SCN2A: variants seen among roughly 807,000 people sequenced by gnomAD.
The protein encoded by SCN2A is sodium channel protein type 2 subunit alpha.
SCN2A carries 20 observed loss-of-function variants against 188.7 expected under a neutral mutation model. That is an observed-to-expected ratio of 0.11 (90% CI 0.07 to 0.15). The LOEUF (loss-of-function observed/expected upper bound fraction) is 0.15. SCN2A is among the 10% of genes least tolerant of loss of function. The pLI, the probability that SCN2A is intolerant of heterozygous loss-of-function variation, is 1.00. For synonymous variants in SCN2A, 804 were observed against 833.1 expected, an observed-to-expected ratio of 0.97 and a Z score of 0.60; for missense variants, 1,278 against 2,445.0, an observed-to-expected ratio of 0.52 and a Z score of 10.07.
intron 1 of SCN2A, among the ~76,000 whole-genome samples, chr2:165,251,862 C>G (rs562642150): frequency 6.6e-6 from 1 of 151,984 alleles, no homozygotes; most frequent in African/African-American, 2.4e-5. Context: ...AATACAGGCA[C>G]TGTTGGAATA....
intron 7 of SCN2A, 96 bp downstream of exon 7, chr2:165,310,691 T>C (rs1697378060): frequency 1.2e-6 from 1 of 842,314 alleles, no homozygotes; most frequent in Non-Finnish European, 1.7e-6. Context: ...GTGAATCAAG[T>C]GACTTAGACT....
At position 165,258,790 on chromosome 2, in the gene SCN2A, G is replaced by A. The variant is rs561656558; in HGVS notation, c.-52+19150G>A. 2.0e-5 allele frequency among the ~76,000 whole-genome samples: 3 copies of A among 152,334 alleles called. No individual in the cohort carries two copies. The Middle Eastern group carries it at 0.01, about 518-fold the overall frequency. On this transcript the variant is annotated intron_variant, in intron 1 of 26. Transcript: ENST00000375437. ...AAGATTATGTCCTCTGCAGGGACAT[G>A]GATGGAGCTGGGGGCTATTATAGTA...
chr2:165,263,749 G>A (rs7594199), intron 1 of SCN2A, among the ~76,000 whole-genome samples: 55,924 of 151,804 alleles, frequency 0.37, 10,633 homozygotes, highest in African/African-American at 0.47. Flanking sequence ...GTTCTATGAA[G>A]AATAATGGTG....
intron 1 of SCN2A, among the ~76,000 whole-genome samples, chr2:165,260,970 CAAAA>C (rs760304392): frequency 2.2e-5 from 2 of 90,390 alleles, no homozygotes; most frequent in African/African-American, 8.9e-5. Context: ...AACTCCGTCT[CAAAA>C]AAAAAAAAAA....
intron 13 of SCN2A, among the ~76,000 whole-genome samples, chr2:165,329,348 C>G (rs1257267612): frequency 6.6e-6 from 1 of 152,088 alleles, no homozygotes; most frequent in Non-Finnish European, 1.5e-5. Flanking sequence ...CCTGAAGAAT[C>G]AAGGTGAGCC....
At chr2:165,382,989 G>T (rs1701683180) in intron 25 of SCN2A, among the ~76,000 whole-genome samples, 1 of 152,154 alleles carries the variant, frequency 6.6e-6, no homozygotes. Flanking sequence ...AGTGGTAGGG[G>T]TGTGTGGAAA....
chr2:165,319,113 A>G (rs1206847144), intron 11 of SCN2A, among the ~76,000 whole-genome samples: 2 of 152,200 alleles, frequency 1.3e-5, no homozygotes, highest in East Asian at 3.9e-4. Flanking sequence ...CGAGACGGGC[A>G]GATCATGAGA....
intron 16 of SCN2A, among the ~76,000 whole-genome samples, chr2:165,350,337 A>G (rs1699815820): frequency 6.6e-6 from 1 of 152,094 alleles, no homozygotes; most frequent in African/African-American, 2.4e-5. Context: ...AATTATGGTA[A>G]CATTTCCATT....
chr2:165,293,100 T>C (rs957610864), intron 1 of SCN2A, among the ~76,000 whole-genome samples: 2 of 152,360 alleles, frequency 1.3e-5, no homozygotes, highest in South Asian at 4.1e-4. Context: ...CATCTCTTTA[T>C]TGAATTAGCA....
At chr2:165,328,121 T>C (rs1340158222) in intron 13 of SCN2A, 1 of 152,172 alleles carries the variant, frequency 6.6e-6, no homozygotes, top group Non-Finnish European at 1.5e-5. Context: ...ATAATTCTTT[T>C]CCTGTCTGTA....
intron 6 of SCN2A, 91 bp from the exon 7 acceptor site, chr2:165,310,232 T>C: frequency 1.5e-6 from 2 of 1,372,514 alleles, no homozygotes; most frequent in South Asian, 2.3e-5. Context: ...GCATGACATT[T>C]TTATTTTCCA....
chr2:165,249,658 G>C (rs1694003781), intron 1 of SCN2A, among the ~76,000 whole-genome samples: 1 of 151,856 alleles, frequency 6.6e-6, no homozygotes, highest in Non-Finnish European at 1.5e-5. Flanking sequence ...TACTACCTTA[G>C]TTTATATAAA....
chr2:165,270,553 G>C (rs1206533778), intron 1 of SCN2A: 1 of 151,966 alleles, frequency 6.6e-6, no homozygotes, highest in Non-Finnish European at 1.5e-5. Flanking sequence ...GATACCTCTG[G>C]ACTCTGGCTA....
intron 1 of SCN2A, among the ~76,000 whole-genome samples, chr2:165,282,426 G>A (rs968773258): frequency 2.6e-5 from 4 of 152,172 alleles, no homozygotes; most frequent in Non-Finnish European, 5.9e-5. Context: ...CACTCATATG[G>A]CTCTGTGTTT....
rs557410328 is a variant in SCN2A at position 165,311,894 on chromosome 2, G to A, written c.971-131G>A. Reference sequence around the variant, plus strand: ...TTCAATATTGTGAAAAATCTCTTTAGCCATATATATTTATTAGTTTATCCA... The same window carrying A: ...TTCAATATTGTGAAAAATCTCTTTAACCATATATATTTATTAGTTTATCCA... On this transcript the variant is annotated intron_variant, in intron 7 of 26. Coordinates refer to ENST00000375437, the MANE Select transcript of SCN2A (RefSeq NM_001040142.2). 3 of 673,308 alleles carry A rather than the reference G, an allele frequency of 4.5e-6. No individual in the cohort carries two copies. In the East Asian group the frequency reaches 8.2e-5, roughly 19 times the overall value. The allele number at this position is 673,308 out of a possible 1,614,324, so 41.7% of individuals were successfully genotyped here. A position where few individuals can be genotyped will look rare whatever the true frequency, so the allele number is the denominator to read the frequency against.
In SCN2A at chr2:165,279,550, T is replaced by A. The variant is rs542458298; in HGVS notation, c.-51-16223T>A. On this transcript the variant is annotated intron_variant, in intron 1 of 26. Coordinates refer to ENST00000375437, the MANE Select transcript of SCN2A (RefSeq NM_001040142.2). ...ATTATTATAACTACAGCCAAGTTTTTAAAAATATTATATTAGTAATTATAT... is the reference window on the plus strand; with the variant it reads ...ATTATTATAACTACAGCCAAGTTTTAAAAAATATTATATTAGTAATTATAT... Among the ~76,000 whole-genome samples, 62 of 152,264 alleles carry A rather than the reference T, an allele frequency of 4.1e-4. 2 individuals carry two copies. In the South Asian group the frequency reaches 0.012, roughly 29 times the overall value.
At chr2:165,280,104 C>G (rs1695521434) in intron 1 of SCN2A, among the ~76,000 whole-genome samples, 1 of 152,138 alleles carries the variant, frequency 6.6e-6, no homozygotes, top group South Asian at 2.1e-4. Context: ...TCAGGTATGT[C>G]TTTATCAGCA....
chr2:165,379,750 GTCATAA>G (rs1379941592), intron 23 of SCN2A, among the ~76,000 whole-genome samples: 1 of 151,472 alleles, frequency 6.6e-6, no homozygotes, highest in Non-Finnish European at 1.5e-5. Flanking sequence ...AATTATGCTG[GTCATAA>G]TCCTCTAAAT....
At chr2:165,328,986 C>CTTTTTTTTTTTTTT (rs1269103949) in intron 13 of SCN2A, among the ~76,000 whole-genome samples, 3 of 89,394 alleles carry the variant, frequency 3.4e-5, no homozygotes, top group African/African-American at 8.7e-5. Context: ...TAAGATAGTC[C>CTTTTTTTTTTTTTT]TTTTTTTTTT....
Sources: allele counts gnomAD v4.1 joint callset (sites outside exome capture counted in the v4.1 genomes callset), GRCh38; gene constraint gnomAD v4.1.1; transcripts MANE v1.5; gene names NCBI Gene and HGNC (gene_info 2026-07-23, HGNC 2026-07-21).